MICA: variants seen among roughly 807,000 people sequenced by gnomAD.
The protein encoded by MICA is MHC class I polypeptide-related sequence A, also known as HLA class I antigen.
A neutral mutation model predicts 34.3 loss-of-function variants in MICA; 18 were observed. The ratio of observed to expected loss-of-function variants is 0.52; its 90% confidence interval spans 0.36 to 0.78. The LOEUF (loss-of-function observed/expected upper bound fraction) is 0.78. Among genes scored for constraint, MICA ranks in the 30% least tolerant of loss-of-function variants. The pLI is 0.00. For synonymous variants in MICA, 135 were observed against 156.9 expected (o/e 0.86, Z 1.04); for missense variants, 333 against 409.4 (o/e 0.81, Z 1.61).
upstream of MICA, among the ~76,000 whole-genome samples, chr6:31,401,925 C>T (rs537310294): frequency 3.7e-4 from 56 of 151,900 alleles, no homozygotes; most frequent in Middle Eastern, 3.4e-3. Flanking sequence ...GATGTCCCAA[C>T]GACTAAGAGA....
At chr6:31,409,038 T>C (rs1459434125) in intron 1 of MICA, among the ~76,000 whole-genome samples, 1 of 151,082 alleles carries the variant, frequency 6.6e-6, no homozygotes, top group Non-Finnish European at 1.5e-5. Flanking sequence ...ATAATAATAA[T>C]ATTTTTGAGG....
chr6:31,407,146 A>G (rs142883923), intron 1 of MICA, among the ~76,000 whole-genome samples: 147 of 152,024 alleles, frequency 9.7e-4, no homozygotes, highest in African/African-American at 3.4e-3. Flanking sequence ...TTTGGGTAGT[A>G]TGGATATTTC....
intron 5 of MICA, among the ~76,000 whole-genome samples, chr6:31,412,712 G>C (rs935026852): frequency 6.6e-6 from 1 of 151,900 alleles, no homozygotes; most frequent in African/African-American, 2.4e-5. Context: ...GGAGGGCTGC[G>C]GCGCCTGCTC....
At chr6:31,403,414 G>A (rs1289617263), upstream of MICA, among the ~76,000 whole-genome samples, 1 of 151,902 alleles carries the variant, frequency 6.6e-6, no homozygotes, top group Non-Finnish European at 1.5e-5. This position sits in a 1 kb window ranked among gnomAD's most constrained non-coding sequence, Gnocchi z 4.7. Flanking sequence ...CATTTTCTGG[G>A]CCCCAGGTCC....
chr6:31,414,002 C>T lies in MICA; in HGVS notation c.*30-1010C>T, dbSNP rs138357895. Among the ~76,000 whole-genome samples, 89 of 152,100 alleles carry T rather than the reference C, an allele frequency of 5.9e-4. 1 individual carries two copies. Among genetic ancestry groups the T allele is most frequent in the African/African-American group, 2.1e-3 (88 of 41,462 alleles). On this transcript the variant is annotated intron_variant, in intron 5 of 5. Transcript: ENST00000449934. ...GAACACAAATTTCTCAAAATTCCTG[C>T]GATGTCCAATAAAGATTTTCATAAT...
At chr6:31,402,615 T>C (rs1007223957), upstream of MICA, among the ~76,000 whole-genome samples, 4 of 151,820 alleles carry the variant, frequency 2.6e-5, no homozygotes, top group Non-Finnish European at 4.4e-5. Flanking sequence ...ACTAAGATTG[T>C]GGCTGTGGGA....
upstream of MICA, among the ~76,000 whole-genome samples, chr6:31,403,219 G>T (rs1453834699): frequency 1.3e-5 from 2 of 151,772 alleles, no homozygotes; most frequent in African/African-American, 4.9e-5. This position sits in a 1 kb window ranked among gnomAD's most constrained non-coding sequence, Gnocchi z 4.7. Context: ...GTGAGAGCCG[G>T]TTTAATGGGG....
Position 31,410,558 on chromosome 6 carries a change from G to T in MICA, c.86G>T (p.Arg29Leu). The T allele has an allele frequency of 6.2e-7, 1 of 1,612,772 alleles. No homozygotes were observed. Among genetic ancestry groups the T allele is most frequent in the Non-Finnish European group, 8.5e-7 (1 of 1,179,866 alleles). The change falls in exon 2 of 6, where the codon CGT becomes CTT. Residue 29 changes from arginine to leucine, a missense_variant. Transcript: ENST00000449934. Reference protein sequence around the residue: ...PGAAAEPHSLRYNLTVLSWDG... With the variant: ...PGAAAEPHSLLYNLTVLSWDG... ...TCTTCCCCAGAGCCCCACAGTCTTC[G>T]TTATAACCTCACGGTGCTGTCCTGG...
In MICA at chr6:31,411,489, G is replaced by A; in HGVS notation, c.613+130G>A. The A allele has an allele frequency of 1.0e-6, 1 of 953,422 alleles. No individual in the cohort carries two copies. The highest frequency in any genetic ancestry group is 1.5e-6 in the Non-Finnish European group (1 of 658,248). 59.1% of individuals were successfully genotyped at this position (953,422 alleles called of 1,614,324 possible). On this transcript the variant is annotated intron_variant, in intron 3 of 5. Coordinates refer to ENST00000449934, the MANE Select transcript of MICA (RefSeq NM_001177519.3). The surrounding 1 kb of genome is among the most constrained non-coding windows in gnomAD (Gnocchi z 4.3). ...ATTTCCTGTTGGCACATCGTGTCCT[G>A]ATTTTCCTCTATTGTTAGAGCCACT...
At position 31,412,373 on chromosome 6, in the gene MICA, C is replaced by T; in HGVS notation, c.941C>T (p.Ala314Val). ...QSHWQTFHVS[A>V]VAAGCCYFCY... The stretch of plus-strand genomic sequence containing the variant: ...CATTGGCAGACATTCCATGTTTCTG[C>T]TGTTGCTGCTGGCTGCTGCTATTTT... The change falls in exon 5 of 6, where the codon GCT becomes GTT. Residue 314 changes from alanine (A) to valine (V), a missense_variant. By Grantham distance (64) the Ala-to-Val change is moderately conservative (BLOSUM62 0). Transcript: ENST00000449934. 2 of 1,518,660 alleles carry T rather than the reference C, an allele frequency of 1.3e-6. No homozygotes were observed. The highest frequency in any genetic ancestry group is 8.7e-7 in the Non-Finnish European group (1 of 1,145,520). The allele number at this position is 1,518,660 out of a possible 1,614,324, so 94.1% of individuals were successfully genotyped here.
In MICA at chr6:31,412,012, G is replaced by A. The variant is rs778882093; in HGVS notation, c.679G>A (p.Ala227Thr). Residue 227 changes from alanine (A) to threonine (T), a missense_variant, in exon 4 of 6, where the codon GCT becomes ACT. Transcript: ENST00000449934. ...SEGNITVTCR[A>T]SSFYPRNIIL... ...GGGCAACATCACCGTGACATGCAGG[G>A]CTTCCAGCTTCTATCCCCGGAATAT... 2 of 1,612,764 alleles carry A rather than the reference G, an allele frequency of 1.2e-6. No homozygotes were observed. The highest frequency in any genetic ancestry group is 2.7e-5 in the African/African-American group (2 of 74,686).
At chr6:31,407,527 C>T (rs373954957) in intron 1 of MICA, among the ~76,000 whole-genome samples, 35 of 151,694 alleles carry the variant, frequency 2.3e-4, no homozygotes, top group Admixed American at 1.1e-3. Flanking sequence ...TGAGCCACCA[C>T]GCCCAGCCAC....
Position 31,403,685 on chromosome 6 carries a change from C to T in MICA, c.53C>T (p.Pro18Leu), listed in dbSNP as rs757660896. 6.5e-7 allele frequency: 1 copy of T among 1,533,318 alleles called. No individual in the cohort carries two copies. Among genetic ancestry groups the T allele is most frequent in the Non-Finnish European group, 8.8e-7 (1 of 1,140,742 alleles). 95.0% of individuals were successfully genotyped at this position (1,533,318 alleles called of 1,614,324 possible). Reference protein sequence around the residue: ...LLLAGIFPFAPPGAAAEPHSL... With the variant: ...LLLAGIFPFALPGAAAEPHSL... ...CTGGCTGGCATCTTCCCTTTTGCAC[C>T]TCCGGGAGCTGCTGCTGGTGAGTGG... The change falls in exon 1 of 6, where the codon CCT (proline) becomes CTT (leucine). Residue 18 changes from proline (P) to leucine (L), a missense_variant. By Grantham distance (98) the Pro-to-Leu change is moderately conservative. Coordinates refer to ENST00000449934, the MANE Select transcript of MICA (RefSeq NM_001177519.3). This position sits in a 1 kb window ranked among gnomAD's most constrained non-coding sequence, Gnocchi z 4.7.
intron 4 of MICA, 34 bp downstream of exon 4, chr6:31,412,259 C>T (rs1310287725): frequency 1.2e-6 from 2 of 1,606,048 alleles, no homozygotes; most frequent in East Asian, 2.2e-5. Flanking sequence ...AGGGTCAGGC[C>T]AGGGTAGGGA....
intron 2 of MICA, 102 bp downstream of exon 2, chr6:31,410,899 TG>T: frequency 6.7e-7 from 1 of 1,482,452 alleles, no homozygotes; most frequent in Non-Finnish European, 9.0e-7. Context: ...TGGCTCAGGC[TG>T]GGGGTGAGGA....
At chr6:31,405,386 A>G (rs1469052128) in intron 1 of MICA, among the ~76,000 whole-genome samples, 1 of 149,946 alleles carries the variant, frequency 6.7e-6, no homozygotes, top group Non-Finnish European at 1.5e-5. Context: ...CTCTCTGGCC[A>G]GCACCCCCAC....
chr6:31,401,579 T>G (rs1770431367), upstream of MICA, among the ~76,000 whole-genome samples: 1 of 151,276 alleles, frequency 6.6e-6, no homozygotes. Context: ...GAGGATTGCT[T>G]GAGCCCAGGC....
At chr6:31,408,054 T>G (rs1770840340) in intron 1 of MICA, among the ~76,000 whole-genome samples, 1 of 151,934 alleles carries the variant, frequency 6.6e-6, no homozygotes, top group Non-Finnish European at 1.5e-5. Flanking sequence ...GTTTTTATCA[T>G]GAAGGGATGT....
upstream of MICA, chr6:31,402,115 T>G (rs1770463050): frequency 6.6e-6 from 1 of 152,002 alleles, no homozygotes; most frequent in East Asian, 1.9e-4. Flanking sequence ...CTGGAAGATT[T>G]TTTTTCCTTT....
Sources: gnomAD v4.1 joint callset for allele counts (sites outside exome capture counted in the v4.1 genomes callset) on GRCh38, gnomAD v4.1.1 for gene constraint, Gnocchi (gnomAD v3.1) non-coding constraint, MANE v1.5 for transcripts, NCBI Gene and HGNC (gene_info 2026-07-23, HGNC 2026-07-21) for gene names.